UGT1A8: variants seen among roughly 807,000 people sequenced by gnomAD.
UGT1A8 encodes the protein UDP glucuronosyltransferase family 1 member A8.
UGT1A8 carries 39 observed loss-of-function variants against 45.3 expected under a neutral mutation model. The observed-to-expected ratio is 0.86, with a 90% CI of 0.67 to 1.12. The LOEUF is 1.12. Among genes scored for constraint, UGT1A8 ranks in the 50% most tolerant of loss-of-function variants. UGT1A8 has a pLI of 0.00. For synonymous variants in UGT1A8, 275 were observed against 249.2 expected, an observed-to-expected ratio of 1.10 and a Z score of -0.97; for missense variants, 719 against 664.9, an observed-to-expected ratio of 1.08 and a Z score of -0.90.
chr2:233,653,771 A>G (rs564232658), intron 1 of UGT1A8, among the ~76,000 whole-genome samples: 22 of 152,240 alleles, frequency 1.4e-4, no homozygotes, highest in Admixed American at 2.6e-4. Context: ...AAATTTTTGT[A>G]TTTTTAGTAG....
At chr2:233,660,229 A>T (rs1409502313) in intron 1 of UGT1A8, among the ~76,000 whole-genome samples, 2 of 152,172 alleles carry the variant, frequency 1.3e-5, no homozygotes, top group Non-Finnish European at 2.9e-5. Flanking sequence ...GATTTTCATG[A>T]TGTTCGCCCC....
At chr2:233,625,543 G>C (rs889831446) in intron 1 of UGT1A8, among the ~76,000 whole-genome samples, 2 of 151,870 alleles carry the variant, frequency 1.3e-5, no homozygotes, top group Non-Finnish European at 2.9e-5. Context: ...AATCAACCTA[G>C]GTGCCTGTCA....
chr2:233,769,226 G>A lies in UGT1A8; in HGVS notation c.1295+787G>A, dbSNP rs934586436. Among the ~76,000 whole-genome samples, 1 of 152,190 alleles carries A rather than the reference G, an allele frequency of 6.6e-6. No individual in the cohort carries two copies. The highest frequency in any genetic ancestry group is 2.4e-5 in the African/African-American group (1 of 41,452). On this transcript the variant is annotated intron_variant, in intron 4 of 4. Transcript: ENST00000373450. The surrounding 1 kb of genome is among the most constrained non-coding windows in gnomAD (Gnocchi z 4.4). ...TCACAGACAAAGTCTTAGAATAAGA[G>A]CAAAGGAAAATTTGCTCAAATGTGG...
chr2:233,619,250 C>T (rs1430609508), intron 1 of UGT1A8, among the ~76,000 whole-genome samples: 7 of 152,124 alleles, frequency 4.6e-5, no homozygotes, highest in African/African-American at 1.4e-4. Context: ...TTCCTTTATA[C>T]ACCAATACAG....
intron 1 of UGT1A8, among the ~76,000 whole-genome samples, chr2:233,670,565 G>T (rs960748916): frequency 2.6e-5 from 4 of 152,178 alleles, no homozygotes; most frequent in African/African-American, 9.7e-5. Flanking sequence ...CTTCTTCTAT[G>T]TCTTCTTTAG....
At chr2:233,651,307 C>CT (rs1179392244) in intron 1 of UGT1A8, among the ~76,000 whole-genome samples, 6 of 152,276 alleles carry the variant, frequency 3.9e-5, no homozygotes, top group African/African-American at 1.4e-4. Context: ...ACCCAGAGGG[C>CT]TTCCGAGATA....
At chr2:233,705,062 G>C (rs1438271390) in intron 1 of UGT1A8, among the ~76,000 whole-genome samples, 1 of 151,992 alleles carries the variant, frequency 6.6e-6, no homozygotes, top group African/African-American at 2.4e-5. Flanking sequence ...CTTGAACCCG[G>C]GAGGCGGAGG....
At chr2:233,732,348 G>A (rs2078262793) in intron 1 of UGT1A8, among the ~76,000 whole-genome samples, 1 of 152,214 alleles carries the variant, frequency 6.6e-6, no homozygotes, top group Non-Finnish European at 1.5e-5. Context: ...TGGTGTTTTA[G>A]TCATGAAGTC....
chr2:233,649,722 C>A (rs1575400861), intron 1 of UGT1A8, among the ~76,000 whole-genome samples: 1 of 152,300 alleles, frequency 6.6e-6, no homozygotes, highest in South Asian at 2.1e-4. Flanking sequence ...CTAACTTCTT[C>A]AAAACAACAA....
Position 233,748,090 on chromosome 2 carries a change from G to A in UGT1A8, c.856-18944G>A, listed in dbSNP as rs1277549661. 8.7e-6 allele frequency: 14 copies of A among 1,612,786 alleles called. No individual in the cohort carries two copies. The East Asian group carries it at 2.0e-4, about 23-fold the overall frequency. ...AAGCCACTATCTCAGGTCGGTGTTC[G>A]TGCCTTCATCCAATCAATGTTCCAG... On this transcript the variant is annotated intron_variant, in intron 1 of 4. Coordinates refer to ENST00000373450, the MANE Select transcript of UGT1A8 (RefSeq NM_019076.5).
intron 1 of UGT1A8, among the ~76,000 whole-genome samples, chr2:233,744,785 A>C (rs1433110343): frequency 6.6e-6 from 1 of 151,864 alleles, no homozygotes; most frequent in Non-Finnish European, 1.5e-5. Context: ...TCTCCTGAAA[A>C]ATTCTTGGGG....
rs562366711 is a variant in UGT1A8 at position 233,731,551 on chromosome 2, T to C, written c.856-35483T>C. On this transcript the variant is annotated intron_variant, in intron 1 of 4. Transcript: ENST00000373450. The stretch of plus-strand genomic sequence containing the variant: ...CATGCGGTGTTTGGTTTTCTGTCCA[T>C]GTGATAGTTTGCTGAGAATGATGGT... 4.6e-5 allele frequency among the ~76,000 whole-genome samples: 7 copies of C among 152,330 alleles called. 1 individual carries two copies. In the East Asian group the frequency reaches 1.4e-3, roughly 29 times the overall value.
chr2:233,680,433 C>G (rs1172149473), intron 1 of UGT1A8, among the ~76,000 whole-genome samples: 1 of 152,128 alleles, frequency 6.6e-6, no homozygotes. Context: ...GTAGTATGTA[C>G]TAGAGGAAAG....
chr2:233,726,380 C>G (rs534421761), intron 1 of UGT1A8, among the ~76,000 whole-genome samples: 22 of 152,296 alleles, frequency 1.4e-4, no homozygotes, highest in African/African-American at 4.1e-4. Flanking sequence ...ACCAAAATTG[C>G]TTCCATCTCA....
At chr2:233,694,590 T>G (rs2075228604) in intron 1 of UGT1A8, among the ~76,000 whole-genome samples, 1 of 152,230 alleles carries the variant, frequency 6.6e-6, no homozygotes, top group Non-Finnish European at 1.5e-5. Flanking sequence ...ATTTACAACT[T>G]TGAAGGGCTT....
chr2:233,632,145 A>G (rs987388946), intron 1 of UGT1A8, among the ~76,000 whole-genome samples: 2 of 152,146 alleles, frequency 1.3e-5, no homozygotes, highest in African/African-American at 4.8e-5. Flanking sequence ...AGATGGTTGT[A>G]GATGTGTGGC....
At chr2:233,655,939 A>C (rs996781894) in intron 1 of UGT1A8, among the ~76,000 whole-genome samples, 8 of 152,258 alleles carry the variant, frequency 5.3e-5, no homozygotes, top group African/African-American at 1.9e-4. Context: ...TTACAGAATT[A>C]TAAGTTTGGA....
chr2:233,636,583 G>A (rs2073296061), intron 1 of UGT1A8: 1 of 1,614,104 alleles, frequency 6.2e-7, no homozygotes, highest in African/African-American at 1.3e-5. Flanking sequence ...GCTGACCTGT[G>A]GCTTTGCCGA....
chr2:233,699,964 G>A (rs985933821), intron 1 of UGT1A8, among the ~76,000 whole-genome samples: 3 of 152,126 alleles, frequency 2.0e-5, no homozygotes, highest in African/African-American at 4.8e-5. Flanking sequence ...AAAAATACCC[G>A]TCCCCCAACT....
Sources: gnomAD v4.1 joint callset for allele counts (sites outside exome capture counted in the v4.1 genomes callset) on GRCh38, gnomAD v4.1.1 for gene constraint, Gnocchi (gnomAD v3.1) non-coding constraint, MANE v1.5 for transcripts, NCBI Gene and HGNC (gene_info 2026-07-23, HGNC 2026-07-21) for gene names.